Variants in MAP1B observed in about 807,000 individuals in gnomAD.
MAP1B encodes the protein microtubule-associated protein 1B.
MAP1B carries 12 observed loss-of-function variants against 176.1 expected under a neutral mutation model. That is an observed-to-expected ratio of 0.07 (90% CI 0.04 to 0.11). MAP1B has a LOEUF of 0.11. Ranked by LOEUF, MAP1B falls within the 10% of genes least tolerant of loss-of-function variation. The pLI is 1.00. For missense variants in MAP1B, 2,523 were observed against 2,990.5 expected (o/e 0.84, Z 3.65); for synonymous variants, 1,044 against 1,135.0 (o/e 0.92, Z 1.61).
chr5:72,179,348 G>A (rs750342318), intron 2 of MAP1B, among the ~76,000 whole-genome samples: 1 of 152,242 alleles, frequency 6.6e-6, no homozygotes, highest in Admixed American at 6.5e-5. Flanking sequence ...AATGGAGAAT[G>A]CGGACTACAA....
At chr5:72,114,264 G>A (rs1295318338) in intron 1 of MAP1B, among the ~76,000 whole-genome samples, 1 of 152,032 alleles carries the variant, frequency 6.6e-6, no homozygotes, top group Non-Finnish European at 1.5e-5. Flanking sequence ...TTCTTTACAG[G>A]ATAGGAAGAC....
chr5:72,171,799 CA>C (rs1466116823), intron 2 of MAP1B, among the ~76,000 whole-genome samples: 3 of 152,112 alleles, frequency 2.0e-5, no homozygotes, highest in Non-Finnish European at 4.4e-5. Context: ...AGGGAAGAAC[CA>C]AGGTCACTGG....
chr5:72,181,069 T>C (rs1017310313), intron 2 of MAP1B, among the ~76,000 whole-genome samples: 1 of 152,236 alleles, frequency 6.6e-6, no homozygotes, highest in Non-Finnish European at 1.5e-5. Flanking sequence ...ATAATCATAG[T>C]AGCTATGTCA....
At chr5:72,109,019 A>G (rs539667866) in intron 1 of MAP1B, among the ~76,000 whole-genome samples, 1 of 152,224 alleles carries the variant, frequency 6.6e-6, no homozygotes, top group Non-Finnish European at 1.5e-5. Context: ...CGAGGCGGAC[A>G]AAGGGCGTTC....
chr5:72,148,306 G>A (rs1746081821), intron 2 of MAP1B, among the ~76,000 whole-genome samples: 1 of 152,082 alleles, frequency 6.6e-6, no homozygotes, highest in Non-Finnish European at 1.5e-5. Context: ...GAGAATTAGG[G>A]GAACAGTCCC....
chr5:72,203,279 A>T (rs1451055655), intron 5 of MAP1B, among the ~76,000 whole-genome samples: 3 of 152,086 alleles, frequency 2.0e-5, no homozygotes, highest in African/African-American at 7.2e-5. Flanking sequence ...AGGCCTTCAA[A>T]CTCTTCTTGC....
Position 72,195,507 on chromosome 5 carries a change from A to G in MAP1B, c.2152A>G (p.Lys718Glu), listed in dbSNP as rs980328645. 5.7e-6 allele frequency: 9 copies of G among 1,588,704 alleles called. No individual in the cohort carries two copies. The highest frequency in any genetic ancestry group is 6.8e-6 in the Non-Finnish European group (8 of 1,173,808). The change falls in exon 5 of 7, where the codon AAG (lysine) becomes GAG (glutamate). Residue 718 changes from lysine to glutamate, a missense_variant. Physicochemically the swap from Lys to Glu is moderately conservative, Grantham distance 56 (BLOSUM62 1). This residue lies in a region of MAP1B where 1,925 missense variants were observed against 2,126.0 expected (regional missense o/e 0.91). Coordinates refer to ENST00000296755, the MANE Select transcript of MAP1B (RefSeq NM_005909.5). The stretch of plus-strand genomic sequence containing the variant: ...CAAGAAGGAAGTTAAGAAGGAAGAG[A>G]AGAAGGAAGTGAAAAAGGAAGAAAA... ...EVKKEVKKEEKKEVKKEEKEP... is the reference protein window; with the variant it reads ...EVKKEVKKEEEKEVKKEEKEP...
chr5:72,147,871 A>G (rs1288477286), intron 2 of MAP1B, among the ~76,000 whole-genome samples: 1 of 152,218 alleles, frequency 6.6e-6, no homozygotes, highest in Non-Finnish European at 1.5e-5. Flanking sequence ...ACAGATTTAC[A>G]GACAGGAAAA....
intron 5 of MAP1B, among the ~76,000 whole-genome samples, chr5:72,203,169 TTTTGAC>T (rs748711969): frequency 5.3e-5 from 8 of 152,250 alleles, no homozygotes; most frequent in Non-Finnish European, 1.0e-4. Context: ...AGACGTTTTC[TTTTGAC>T]TTTTAAAATC....
At position 72,195,954 on chromosome 5, in the gene MAP1B, C is replaced by T; in HGVS notation, c.2599C>T (p.Leu867=). 6.2e-7 allele frequency: 1 copy of T among 1,614,184 alleles called. No homozygotes were observed. ...QLELIEDEEK[L]KETEPVEAYV... ...GGAGCTAATCGAAGACGAAGAGAAA[C>T]TGAAGGAAACTGAGCCAGTCGAAGC... Residue 867 remains leucine (L), a synonymous_variant, in exon 5 of 7, where the codon CTG becomes TTG. Coordinates refer to ENST00000296755, the MANE Select transcript of MAP1B (RefSeq NM_005909.5).
At chr5:72,171,745 A>G (rs1288405860) in intron 2 of MAP1B, among the ~76,000 whole-genome samples, 1 of 152,146 alleles carries the variant, frequency 6.6e-6, no homozygotes, top group Non-Finnish European at 1.5e-5. Flanking sequence ...TAGAATCAGG[A>G]CTGTGCCCCT....
At position 72,197,232 on chromosome 5, in the gene MAP1B, G is replaced by C; in HGVS notation, c.3877G>C (p.Glu1293Gln). The C allele has an allele frequency of 6.2e-7, 1 of 1,614,266 alleles. No individual in the cohort carries two copies. Among genetic ancestry groups the C allele is most frequent in the Non-Finnish European group, 8.5e-7 (1 of 1,180,052 alleles). Residue 1293 changes from glutamate to glutamine, a missense_variant, in exon 5 of 7, where the codon GAA becomes CAA. Around this residue, in one of 4 missense-constraint regions of MAP1B, gnomAD observed 1,925 missense variants for 2,126.0 expected, o/e 0.91. Transcript: ENST00000296755. ...PNEIKVSAEA[E>Q]VAPVSPEVTQ... ...TGAGATTAAAGTCTCTGCAGAGGCA[G>C]AAGTAGCCCCGGTGTCTCCTGAGGT...
chr5:72,156,149 G>A (rs1412275222), intron 2 of MAP1B, among the ~76,000 whole-genome samples: 1 of 152,044 alleles, frequency 6.6e-6, no homozygotes, highest in Non-Finnish European at 1.5e-5. Flanking sequence ...CTCTCCTTCA[G>A]AAACACTGGT....
chr5:72,173,078 C>T (rs949019360), intron 2 of MAP1B, among the ~76,000 whole-genome samples: 1 of 152,214 alleles, frequency 6.6e-6, no homozygotes, highest in Admixed American at 6.5e-5. Flanking sequence ...TGCCCTGTGC[C>T]GCCTTTGCCT....
Position 72,195,267 on chromosome 5 carries a change from G to A in MAP1B, c.1912G>A (p.Val638Met). 2 of 1,613,624 alleles carry A rather than the reference G, an allele frequency of 1.2e-6. No homozygotes were observed. The highest frequency in any genetic ancestry group is 1.7e-6 in the Non-Finnish European group (2 of 1,179,956). The change falls in exon 5 of 7, where the codon GTG becomes ATG. Residue 638 changes from valine (V) to methionine (M), a missense_variant. Physicochemically the swap from Val to Met is conservative, Grantham distance 21 (BLOSUM62 1). Transcript: ENST00000296755. ...VKPKAAKEKT[V>M]KKETKVKPED... is the part of the protein sequence containing the mutation. ...ACCCAAAGCTGCCAAGGAGAAGACG[G>A]TGAAAAAGGAAACAAAGGTAAAGCC...
rs746376940 is a variant in MAP1B at position 72,199,349 on chromosome 5, C to T, written c.5994C>T (p.Gly1998=). 8.1e-6 allele frequency: 13 copies of T among 1,613,950 alleles called. No homozygotes were observed. Among genetic ancestry groups the T allele is most frequent in the Non-Finnish European group, 1.1e-5 (13 of 1,180,018 alleles). The change falls in exon 5 of 7, where the codon GGC becomes GGT. Residue 1998 remains glycine (G), a synonymous_variant. Transcript: ENST00000296755. The surrounding 1 kb of genome is among the most constrained non-coding windows in gnomAD (Gnocchi z 4.2). ...SNGYDDSEDG[G]HTLGDPSYSY... ...GCTATGATGACTCTGAGGATGGTGG[C>T]CACACACTTGGGGACCCCAGCTACT... is the stretch of plus-strand genomic sequence containing the variant.
Position 72,199,233 on chromosome 5 carries a change from A to T in MAP1B, c.5878A>T (p.Ser1960Cys). The change falls in exon 5 of 7, where the codon AGT (serine) becomes TGT (cysteine). Residue 1960 changes from serine (S) to cysteine (C), a missense_variant. Around this residue, in one of 4 missense-constraint regions of MAP1B, gnomAD observed 1,925 missense variants for 2,126.0 expected, o/e 0.91. Coordinates refer to ENST00000296755, the MANE Select transcript of MAP1B (RefSeq NM_005909.5). This position sits in a 1 kb window ranked among gnomAD's most constrained non-coding sequence, Gnocchi z 4.2. ...AGAGGGTGGGTACTCATATGACATA[A>T]GTGAAAAGACCACCAGCCCCCCCGA... ...PEEGGYSYDI[S>C]EKTTSPPEVS... 1 of 1,614,082 alleles carries T rather than the reference A, an allele frequency of 6.2e-7. No individual in the cohort carries two copies.
rs1265031736 is a variant in MAP1B, at chr5:72,186,732, T to C, written c.488T>C (p.Ile163Thr). ...QSGSFSFQNF[I>T]EIFTDQEIGE... is the part of the protein sequence containing the mutation. ...GGCTCTTTCTCCTTCCAGAACTTCA[T>C]AGAGATTTTCACCGATCAAGAGGTA... The change falls in exon 4 of 7, where the codon ATA becomes ACA. Residue 163 changes from isoleucine to threonine, a missense_variant. Physicochemically the swap from Ile to Thr is moderately conservative, Grantham distance 89 (BLOSUM62 -1). Coordinates refer to ENST00000296755, the MANE Select transcript of MAP1B (RefSeq NM_005909.5). The surrounding 1 kb of genome is among the most constrained non-coding windows in gnomAD (Gnocchi z 4.3). 2 of 1,614,168 alleles carry C rather than the reference T, an allele frequency of 1.2e-6. No homozygotes were observed. The highest frequency in any genetic ancestry group is 3.3e-5 in the Admixed American group (2 of 60,026).
At chr5:72,187,886 T>C (rs187504935) in intron 4 of MAP1B, among the ~76,000 whole-genome samples, 2 of 152,352 alleles carry the variant, frequency 1.3e-5, no homozygotes, top group Non-Finnish European at 2.9e-5. Flanking sequence ...GGAACATTTT[T>C]GAAGCCACAG....
Sources: allele counts gnomAD v4.1 joint callset (sites outside exome capture counted in the v4.1 genomes callset), GRCh38; gene constraint gnomAD v4.1.1; regional missense constraint gnomAD v4.1.1; non-coding constraint Gnocchi (gnomAD v3.1); transcripts MANE v1.5; gene names NCBI Gene and HGNC (gene_info 2026-07-23, HGNC 2026-07-21).